ARHGAP10: variants seen among roughly 807,000 people sequenced by gnomAD.
The protein encoded by ARHGAP10 is rho GTPase-activating protein 10.
Under a neutral mutation model 108.6 loss-of-function variants are expected in ARHGAP10, and 87 were observed. The observed-to-expected ratio is 0.80, with a 90% CI of 0.67 to 0.96. ARHGAP10 has a LOEUF of 0.96. Ranked by LOEUF, ARHGAP10 falls within the 40% of genes least tolerant of loss-of-function variation. The pLI, the probability that ARHGAP10 is intolerant of heterozygous loss-of-function variation, is 0.00. For synonymous variants in ARHGAP10, 347 were observed against 341.1 expected (o/e 1.02, Z -0.19); for missense variants, 939 against 954.5 (o/e 0.98, Z 0.21).
chr4:147,755,884 A>G (rs1729348057), intron 1 of ARHGAP10, among the ~76,000 whole-genome samples: 3 of 152,196 alleles, frequency 2.0e-5, no homozygotes, highest in South Asian at 2.1e-4. Context: ...ATTATTTCAC[A>G]TATGTGTTGA....
chr4:147,860,058 C>T (rs1379126690), intron 5 of ARHGAP10, among the ~76,000 whole-genome samples: 1 of 152,180 alleles, frequency 6.6e-6, no homozygotes, highest in African/African-American at 2.4e-5. Flanking sequence ...AATTGAGATG[C>T]TCAAGAGATT....
At chr4:147,973,122 T>C (rs1739471322) in intron 18 of ARHGAP10, among the ~76,000 whole-genome samples, 2 of 152,164 alleles carry the variant, frequency 1.3e-5, no homozygotes, top group Non-Finnish European at 2.9e-5. Flanking sequence ...AATGAGTGTT[T>C]CGGAATGAGT....
chr4:147,866,649 A>G (rs1734575804), intron 6 of ARHGAP10, 63 bp from the exon 7 acceptor site: 6 of 1,221,926 alleles, frequency 4.9e-6, no homozygotes, highest in Non-Finnish European at 1.2e-6. Context: ...TTGGTTGTTT[A>G]TATGATTCTT....
intron 7 of ARHGAP10, among the ~76,000 whole-genome samples, chr4:147,869,109 G>A (rs1734694234): frequency 6.6e-6 from 1 of 152,142 alleles, no homozygotes; most frequent in African/African-American, 2.4e-5. Flanking sequence ...AAATGAAGAA[G>A]ATAGTGCCCC....
intron 20 of ARHGAP10, among the ~76,000 whole-genome samples, chr4:148,051,563 C>T (rs948034698): frequency 6.6e-6 from 1 of 152,198 alleles, no homozygotes; most frequent in Non-Finnish European, 1.5e-5. Context: ...ATGGCATGGT[C>T]TCAGAATAGC....
intron 19 of ARHGAP10, among the ~76,000 whole-genome samples, chr4:148,025,021 G>A (rs1741713418): frequency 6.6e-6 from 1 of 152,158 alleles, no homozygotes; most frequent in African/African-American, 2.4e-5. Context: ...CTACTATTTT[G>A]ATGTTCTTAG....
chr4:147,914,899 C>T, intron 13 of ARHGAP10, among the ~76,000 whole-genome samples: 1 of 152,068 alleles, frequency 6.6e-6, no homozygotes, highest in East Asian at 1.9e-4. Flanking sequence ...TGCAGCCATT[C>T]CAGCAGACTT....
chr4:147,881,491 A>G (rs1295618713), intron 9 of ARHGAP10, among the ~76,000 whole-genome samples: 3 of 152,022 alleles, frequency 2.0e-5, no homozygotes, highest in Non-Finnish European at 2.9e-5. Context: ...TACAAAAATC[A>G]TCCAGGTGTG....
In ARHGAP10 at chr4:147,793,895, T is replaced by C. The variant is rs112882740; in HGVS notation, c.155-28832T>C. Among the ~76,000 whole-genome samples, 1,282 of 152,342 alleles carry C rather than the reference T, an allele frequency of 8.4e-3. 19 individuals are homozygous for C. Among genetic ancestry groups the C allele is most frequent in the East Asian group, 0.036 (185 of 5,190 alleles). Reference sequence around the variant, plus strand: ...TCTTAACAGAATCTAAAGTTCCACCTGCAAAGTAGGTTCAGCACCTTAAAA... The same window carrying C: ...TCTTAACAGAATCTAAAGTTCCACCCGCAAAGTAGGTTCAGCACCTTAAAA... On this transcript the variant is annotated intron_variant, in intron 1 of 22. Transcript: ENST00000336498.
chr4:147,784,805 T>TAATATATTACAAAATATATATTATA (rs1560756888), intron 1 of ARHGAP10, among the ~76,000 whole-genome samples: 2,389 of 7,386 alleles, frequency 0.32, 816 homozygotes, highest in South Asian at 0.41. Flanking sequence ...ATTATAAATA[T>TAATATATTACAAAATATATATTATA]AATATATTAT....
chr4:148,027,548 T>G (rs1427298224), intron 19 of ARHGAP10, among the ~76,000 whole-genome samples: 2 of 152,180 alleles, frequency 1.3e-5, no homozygotes, highest in East Asian at 1.9e-4. Flanking sequence ...GGGGCAGAGA[T>G]GGATAAACAA....
At position 147,873,655 on chromosome 4, in the gene ARHGAP10, T is replaced by C. The variant is rs1218049531; in HGVS notation, c.703-1366T>C. On this transcript the variant is annotated intron_variant, in intron 7 of 22. Transcript: ENST00000336498. Reference sequence around the variant, plus strand: ...AGCCTGGGCCCCATAATGAGACCCCTGTCTCTACAAAAAAACAAAAAACAA... The same window carrying C: ...AGCCTGGGCCCCATAATGAGACCCCCGTCTCTACAAAAAAACAAAAAACAA... Among the ~76,000 whole-genome samples, 4 of 122,148 alleles carry C rather than the reference T, an allele frequency of 3.3e-5. No individual in the cohort carries two copies. In the Admixed American group the frequency reaches 3.7e-4, roughly 11 times the overall value. 80.1% of individuals were successfully genotyped at this position (122,148 alleles called of 152,430 possible).
chr4:148,037,973 T>C (rs1728457522), intron 19 of ARHGAP10, among the ~76,000 whole-genome samples: 1 of 152,152 alleles, frequency 6.6e-6, no homozygotes, highest in Admixed American at 6.6e-5. Context: ...TTTATTTATA[T>C]AGGTCACCTC....
At chr4:147,870,253 G>C (rs1251440876) in intron 7 of ARHGAP10, among the ~76,000 whole-genome samples, 1 of 152,018 alleles carries the variant, frequency 6.6e-6, no homozygotes, top group Non-Finnish European at 1.5e-5. Context: ...GATAGAGACG[G>C]CGATTCACCG....
intron 10 of ARHGAP10, among the ~76,000 whole-genome samples, chr4:147,894,502 CCTAT>C (rs1735912497): frequency 6.6e-6 from 1 of 152,062 alleles, no homozygotes; most frequent in African/African-American, 2.4e-5. Flanking sequence ...CTGTGGCTTG[CCTAT>C]CTTTTTCTTC....
chr4:147,984,735 G>A (rs1043968988), intron 18 of ARHGAP10, among the ~76,000 whole-genome samples: 1 of 152,212 alleles, frequency 6.6e-6, no homozygotes. Context: ...GCCATTCAAC[G>A]TCCAGGCCAA....
At chr4:148,049,861 T>A (rs988871063) in intron 20 of ARHGAP10, among the ~76,000 whole-genome samples, 1 of 36,594 alleles carries the variant, frequency 2.7e-5, no homozygotes, top group Non-Finnish European at 5.0e-5. Flanking sequence ...GGGCGGGGGG[T>A]GGTGGTGGCG....
rs556093591 is a variant in ARHGAP10, at chr4:147,822,775, A to G, written c.203A>G (p.Lys68Arg). The change falls in exon 2 of 23, where the codon AAG becomes AGG. Residue 68 changes from lysine to arginine, a missense_variant. Lys to Arg is a conservative substitution (Grantham distance 26, BLOSUM62 2). Transcript: ENST00000336498. Reference sequence around the variant, plus strand: ...TTTGCTCATTCACTCAGAGACTTTAAGTTTGAGTTTATCGGTGATGCTGTG... The same window carrying G: ...TTTGCTCATTCACTCAGAGACTTTAGGTTTGAGTTTATCGGTGATGCTGTG... Reference protein sequence around the residue: ...RKFAHSLRDFKFEFIGDAVTD... With the variant: ...RKFAHSLRDFRFEFIGDAVTD... 4 of 1,614,200 alleles carry G rather than the reference A, an allele frequency of 2.5e-6. No individual in the cohort carries two copies. In the African/African-American group the frequency reaches 4.0e-5, roughly 16 times the overall value.
rs570088740 is a variant in ARHGAP10 at position 147,897,390 on chromosome 4, A to G, written c.1035-9248A>G. The stretch of plus-strand genomic sequence containing the variant: ...AGTGCTGTGATTACAGGCATGAGCC[A>G]CTATGCCCAGCTGATCCATATATAA... On this transcript the variant is annotated intron_variant, in intron 10 of 22. Coordinates refer to ENST00000336498, the MANE Select transcript of ARHGAP10 (RefSeq NM_024605.4). Among the ~76,000 whole-genome samples, 273 of 152,236 alleles carry G rather than the reference A, an allele frequency of 1.8e-3. 1 individual carries two copies. The highest frequency in any genetic ancestry group is 4.8e-3 in the African/African-American group (200 of 41,562).
Sources: gnomAD v4.1 joint callset for allele counts (sites outside exome capture counted in the v4.1 genomes callset) on GRCh38, gnomAD v4.1.1 for gene constraint, MANE v1.5 for transcripts, NCBI Gene and HGNC (gene_info 2026-07-23, HGNC 2026-07-21) for gene names.